MSRA: variants seen among roughly 807,000 people sequenced by gnomAD.
MSRA encodes the protein methionine sulfoxide reductase A.
MSRA carries 54 observed loss-of-function variants against 31.3 expected under a neutral mutation model. The observed-to-expected ratio is 1.73, with a 90% CI of 1.39 to 2.17. The LOEUF is 2.17. MSRA is among the 30% of genes most tolerant of loss of function. MSRA has a pLI of 0.00. For synonymous variants in MSRA, 169 were observed against 116.5 expected, an observed-to-expected ratio of 1.45 and a Z score of -2.90; for missense variants, 507 against 300.9, an observed-to-expected ratio of 1.69 and a Z score of -5.07.
At chr8:10,418,815 TAAAAAAA>T (rs71203323) in intron 5 of MSRA, among the ~76,000 whole-genome samples, 6 of 66,036 alleles carry the variant, frequency 9.1e-5, no homozygotes, top group Admixed American at 2.9e-4. Context: ...TTACTACGAC[TAAAAAAA>T]AAAAAAAAAA....
At chr8:10,263,578 C>T (rs1798592299) in intron 3 of MSRA, among the ~76,000 whole-genome samples, 1 of 152,196 alleles carries the variant, frequency 6.6e-6, no homozygotes, top group Admixed American at 6.5e-5. Flanking sequence ...ACACTGAAAT[C>T]CTTCTTCAGT....
At chr8:10,179,329 C>G (rs965898478) in intron 1 of MSRA, among the ~76,000 whole-genome samples, 3 of 152,178 alleles carry the variant, frequency 2.0e-5, no homozygotes, top group Admixed American at 6.5e-5. Flanking sequence ...TCTTCTCTTT[C>G]TAATCGTGGG....
intron 3 of MSRA, among the ~76,000 whole-genome samples, chr8:10,289,783 C>G (rs1163578513): frequency 2.0e-5 from 3 of 152,132 alleles, no homozygotes; most frequent in Non-Finnish European, 4.4e-5. Flanking sequence ...GACAACTTAC[C>G]CAGAGAAACC....
At chr8:10,375,246 G>T (rs1399923934) in intron 5 of MSRA, among the ~76,000 whole-genome samples, 1 of 152,112 alleles carries the variant, frequency 6.6e-6, no homozygotes, top group Non-Finnish European at 1.5e-5. Context: ...AAACATTTAG[G>T]GAGAAACAAG....
At chr8:10,183,520 T>C (rs1214162800) in intron 1 of MSRA, among the ~76,000 whole-genome samples, 1 of 152,166 alleles carries the variant, frequency 6.6e-6, no homozygotes, top group East Asian at 1.9e-4. Context: ...ACCAAGGGTC[T>C]GGGAGCTTGA....
In MSRA at chr8:10,257,745, A is replaced by G. The variant is rs866693369; in HGVS notation, c.331+12522A>G. The stretch of plus-strand genomic sequence containing the variant: ...CTCTCCGTGTTTGGACTAACTGCTC[A>G]AGGCTTTGATGAGCAGCAGAGTCTC... On this transcript the variant is annotated intron_variant, in intron 3 of 5. Coordinates refer to ENST00000317173, the MANE Select transcript of MSRA (RefSeq NM_012331.5). Among the ~76,000 whole-genome samples, 11 of 152,352 alleles carry G rather than the reference A, an allele frequency of 7.2e-5. 1 individual carries two copies. In the Middle Eastern group the frequency reaches 0.017, roughly 236 times the overall value.
At chr8:10,236,551 C>T (rs1811960220) in intron 2 of MSRA, among the ~76,000 whole-genome samples, 1 of 152,074 alleles carries the variant, frequency 6.6e-6, no homozygotes, top group Admixed American at 6.6e-5. Flanking sequence ...TATTTAAGAT[C>T]TTTATTTTCT....
intron 1 of MSRA, among the ~76,000 whole-genome samples, chr8:10,157,987 A>C (rs4506211): frequency 1.2e-4 from 19 of 152,060 alleles, no homozygotes; most frequent in Non-Finnish European, 2.5e-4. Flanking sequence ...ACAGAGATAA[A>C]TTTCTCACAG....
At chr8:10,127,757 G>C (rs1324430563) in intron 1 of MSRA, among the ~76,000 whole-genome samples, 4 of 152,176 alleles carry the variant, frequency 2.6e-5, no homozygotes, top group Admixed American at 2.6e-4. Flanking sequence ...AGAAGAAATA[G>C]GTAATTTTAA....
At chr8:10,333,835 C>T in intron 5 of MSRA, among the ~76,000 whole-genome samples, 1 of 152,048 alleles carries the variant, frequency 6.6e-6, no homozygotes, top group African/African-American at 2.4e-5. Context: ...GTGGGACCTT[C>T]CCTTGCTTTG....
chr8:10,389,045 G>A (rs1806571128), intron 5 of MSRA, among the ~76,000 whole-genome samples: 1 of 152,104 alleles, frequency 6.6e-6, no homozygotes, highest in Non-Finnish European at 1.5e-5. Flanking sequence ...TAAGCTTGTG[G>A]GAGTTATTTA....
chr8:10,359,776 C>G (rs1425182440), intron 5 of MSRA, among the ~76,000 whole-genome samples: 1 of 152,198 alleles, frequency 6.6e-6, no homozygotes, highest in East Asian at 1.9e-4. Context: ...GGAGGACGGT[C>G]TCAGACAGAG....
chr8:10,398,022 A>T (rs1807209460), intron 5 of MSRA, among the ~76,000 whole-genome samples: 1 of 152,220 alleles, frequency 6.6e-6, no homozygotes, highest in Non-Finnish European at 1.5e-5. Context: ...AGTAAAGAAG[A>T]TTGGCTTTAA....
intron 3 of MSRA, among the ~76,000 whole-genome samples, chr8:10,281,643 G>A (rs1039493530): frequency 1.3e-5 from 2 of 152,160 alleles, no homozygotes; most frequent in African/African-American, 2.4e-5. Context: ...GACGATTTCC[G>A]GCATGTGCTA....
At chr8:10,318,674 A>G (rs934222646) in intron 4 of MSRA, among the ~76,000 whole-genome samples, 15 of 152,280 alleles carry the variant, frequency 9.9e-5, no homozygotes, top group African/African-American at 2.4e-4. Flanking sequence ...TTGTGATTCA[A>G]TGGGTAGACA....
At chr8:10,405,703 A>G (rs964800457) in intron 5 of MSRA, among the ~76,000 whole-genome samples, 3 of 152,254 alleles carry the variant, frequency 2.0e-5, no homozygotes, top group Admixed American at 6.5e-5. Flanking sequence ...AAGAATGCAT[A>G]CACAACCATG....
intron 5 of MSRA, among the ~76,000 whole-genome samples, chr8:10,417,820 A>G (rs759873443): frequency 1.6e-5 from 2 of 124,762 alleles, no homozygotes; most frequent in Non-Finnish European, 3.6e-5. Flanking sequence ...CAAGCATAGC[A>G]TGGAATTTGA....
intron 1 of MSRA, among the ~76,000 whole-genome samples, chr8:10,149,056 A>C (rs1178878466): frequency 6.6e-6 from 1 of 150,508 alleles, no homozygotes; most frequent in African/African-American, 2.5e-5. Flanking sequence ...CCCAGGTTCC[A>C]GTGATTGTCT....
chr8:10,310,964 C>T (rs977681683), intron 4 of MSRA, among the ~76,000 whole-genome samples: 2 of 152,122 alleles, frequency 1.3e-5, no homozygotes, highest in Admixed American at 6.6e-5. Context: ...AACTTTTAGC[C>T]AGGAAGAGTT....
Sources: allele counts gnomAD v4.1 joint callset (sites outside exome capture counted in the v4.1 genomes callset), GRCh38; gene constraint gnomAD v4.1.1; transcripts MANE v1.5; gene names NCBI Gene and HGNC (gene_info 2026-07-23, HGNC 2026-07-21).